U2SURP: variants seen among roughly 807,000 people sequenced by gnomAD.
U2SURP encodes the protein U2 snRNP-associated SURP motif-containing protein.
Under a neutral mutation model 144.9 loss-of-function variants are expected in U2SURP, and 9 were observed. The ratio of observed to expected loss-of-function variants is 0.06; its 90% CI spans 0.04 to 0.11. U2SURP has a LOEUF of 0.11. Ranked by LOEUF, U2SURP falls within the 10% of genes least tolerant of loss-of-function variation. U2SURP has a pLI of 1.00. For synonymous variants in U2SURP, 408 were observed against 396.8 expected (o/e 1.03, Z -0.33); for missense variants, 724 against 1,226.7 (o/e 0.59, Z 6.12).
intron 12 of U2SURP, chr3:143,023,348 T>A: frequency 3.7e-6 from 1 of 272,766 alleles, no homozygotes; most frequent in Non-Finnish European, 6.8e-6. Flanking sequence ...TTAACTAAAT[T>A]TACTTTGTTC....
At chr3:143,010,771 A>T in intron 1 of U2SURP, 44 bp from the exon 2 acceptor site, 2 of 1,494,036 alleles carry the variant, frequency 1.3e-6, no homozygotes, top group Non-Finnish European at 1.8e-6. Flanking sequence ...TTTTGTTAGT[A>T]TAAGACATTT....
At chr3:143,038,500 T>A (rs1007692663) in intron 22 of U2SURP, among the ~76,000 whole-genome samples, 1 of 152,036 alleles carries the variant, frequency 6.6e-6, no homozygotes, top group African/African-American at 2.4e-5. Flanking sequence ...GAAATCTACA[T>A]AGAGGTCAGT....
chr3:143,044,247 G>A (rs1285851274), intron 24 of U2SURP, among the ~76,000 whole-genome samples: 2 of 147,166 alleles, frequency 1.4e-5, no homozygotes, highest in Non-Finnish European at 3.0e-5. Context: ...ACTATCTCAG[G>A]CAGACATTTC....
At chr3:143,022,367 G>C (rs1386145192) in intron 10 of U2SURP, 130 bp from the exon 11 acceptor site, 1 of 734,742 alleles carries the variant, frequency 1.4e-6, no homozygotes, top group African/African-American at 1.8e-5. Flanking sequence ...TGGCGTTCCT[G>C]GTACTTAAAT....
chr3:143,020,816 C>T, intron 8 of U2SURP, 123 bp downstream of exon 8: 2 of 677,906 alleles, frequency 3.0e-6, no homozygotes, highest in South Asian at 4.1e-5. Flanking sequence ...ATATACTATC[C>T]TTTTCCTTAC....
intron 24 of U2SURP, among the ~76,000 whole-genome samples, chr3:143,049,965 G>A (rs1460003866): frequency 6.6e-6 from 1 of 152,116 alleles, no homozygotes; most frequent in Non-Finnish European, 1.5e-5. Context: ...GAAATCTCTG[G>A]GTAAAGATGT....
chr3:143,036,855 GT>G (rs1235855814), intron 20 of U2SURP: 1 of 297,004 alleles, frequency 3.4e-6, no homozygotes, highest in African/African-American at 2.2e-5. Flanking sequence ...ATATATTGTT[GT>G]GATGATCTGA....
At chr3:143,007,667 T>C (rs926343006) in intron 1 of U2SURP, among the ~76,000 whole-genome samples, 2 of 152,136 alleles carry the variant, frequency 1.3e-5, no homozygotes, top group African/African-American at 4.8e-5. Flanking sequence ...GGTCTTGATC[T>C]CCTCTGACTT....
intron 18 of U2SURP, among the ~76,000 whole-genome samples, chr3:143,034,147 T>C (rs1933671576): frequency 6.6e-6 from 1 of 152,208 alleles, no homozygotes; most frequent in Non-Finnish European, 1.5e-5. Context: ...CTCACGCCTG[T>C]AATCTCAGCA....
In U2SURP at chr3:143,027,260, A is replaced by G. The variant is rs931040484; in HGVS notation, c.1379+7A>G. ...TCAACAATCCTATGTTCAGGTGTGC[A>G]TTTTTTAAAAATTGTGAAATATATG... On this transcript the variant is annotated splice_region_variant and intron_variant, in intron 14 of 27. Coordinates refer to ENST00000473835, the MANE Select transcript of U2SURP (RefSeq NM_001080415.2). The G allele has an allele frequency of 2.5e-6, 4 of 1,607,588 alleles. No individual in the cohort carries two copies. Among genetic ancestry groups the G allele is most frequent in the Non-Finnish European group, 3.4e-6 (4 of 1,175,404 alleles).
chr3:143,041,311 T>A (rs1044586538), intron 23 of U2SURP, among the ~76,000 whole-genome samples: 1 of 151,900 alleles, frequency 6.6e-6, no homozygotes, highest in Non-Finnish European at 1.5e-5. Context: ...TTTAAAAAAA[T>A]TAACTAAAAA....
chr3:143,001,838 T>C (rs1935542803), intron 1 of U2SURP, among the ~76,000 whole-genome samples, 165 bp downstream of exon 1: 2 of 152,212 alleles, frequency 1.3e-5, no homozygotes, highest in Admixed American at 6.5e-5. Flanking sequence ...AGAGGCCTGG[T>C]ATCTCCCCAT....
chr3:143,028,723 A>C, intron 16 of U2SURP, 77 bp downstream of exon 16: 2 of 1,262,604 alleles, frequency 1.6e-6, no homozygotes, highest in Non-Finnish European at 2.2e-6. Flanking sequence ...TCTTATTAAG[A>C]TGTTAACCCT....
intron 25 of U2SURP, among the ~76,000 whole-genome samples, chr3:143,051,496 C>CTGG (rs1397586908): frequency 6.8e-6 from 1 of 147,594 alleles, no homozygotes; most frequent in Non-Finnish European, 1.5e-5. Context: ...TTGGTGAGCT[C>CTGG]TGAGTGTTTG....
intron 25 of U2SURP, among the ~76,000 whole-genome samples, chr3:143,052,950 GTTTTTT>G (rs11436960): frequency 1.5e-5 from 2 of 132,950 alleles, no homozygotes; most frequent in South Asian, 4.7e-4. Flanking sequence ...AAATGTGTTG[GTTTTTT>G]TTTTTTTTTT....
intron 20 of U2SURP, 39 bp from the exon 21 acceptor site, chr3:143,037,140 A>G: frequency 1.3e-6 from 2 of 1,584,720 alleles, no homozygotes; most frequent in South Asian, 1.2e-5. Context: ...TGACTTCAGC[A>G]AGCAAAGGAA....
At chr3:143,038,793 TA>T in intron 22 of U2SURP, 100 bp from the exon 23 acceptor site, 2 of 802,376 alleles carry the variant, frequency 2.5e-6, no homozygotes, top group Non-Finnish European at 3.8e-6. Flanking sequence ...AAAACTTCTG[TA>T]ATATAAACTT....
chr3:143,023,035 C>T lies in U2SURP; in HGVS notation c.1201C>T (p.Pro401Ser). The T allele has an allele frequency of 6.2e-7, 1 of 1,607,462 alleles. No individual in the cohort carries two copies. The change falls in exon 12 of 28, where the codon CCA becomes TCA. Residue 401 changes from proline to serine, a missense_variant. Physicochemically the swap from Pro to Ser is moderately conservative, Grantham distance 74 (BLOSUM62 -1). This residue lies in a region of U2SURP where 64 missense variants were observed against 164.1 expected (regional missense o/e 0.39). Transcript: ENST00000473835. ...AAACCCTAATGCTCCTATGTTACCG[C>T]CACCTAAAAACAAAGAGGATTTTGA... ...LKNPNAPMLP[P>S]PKNKEDFEKT...
At chr3:143,040,151 A>G (rs1455620436) in intron 23 of U2SURP, among the ~76,000 whole-genome samples, 2 of 151,910 alleles carry the variant, frequency 1.3e-5, no homozygotes, top group Non-Finnish European at 3.0e-5. Context: ...AAGGAAGGGT[A>G]GAAAAGCCGT....
Sources: gnomAD v4.1 joint callset for allele counts (sites outside exome capture counted in the v4.1 genomes callset) on GRCh38, gnomAD v4.1.1 for gene constraint, gnomAD v4.1.1 regional missense constraint, MANE v1.5 for transcripts, NCBI Gene and HGNC (gene_info 2026-07-23, HGNC 2026-07-21) for gene names.